Variants in FTCDNL1 observed in about 807,000 individuals in gnomAD.
FTCDNL1 encodes the protein formiminotransferase cyclodeaminase N-terminal like.
Under a neutral mutation model 5.9 loss-of-function variants are expected in FTCDNL1, and 11 were observed. The ratio of observed to expected loss-of-function variants is 1.87; its 90% CI spans 1.18 to 3.10. The LOEUF (loss-of-function observed/expected upper bound fraction) is 3.10, where lower values mean the gene tolerates loss of function less well. FTCDNL1 is among the 30% of genes most tolerant of loss of function. FTCDNL1 has a pLI of 0.00. For missense variants in FTCDNL1, 115 were observed against 65.5 expected, an observed-to-expected ratio of 1.76 and a Z score of -2.61; for synonymous variants, 58 against 24.8, an observed-to-expected ratio of 2.34 and a Z score of -3.99.
the FTCDNL1 span, among the ~76,000 whole-genome samples, chr2:199,720,384 C>T: frequency 1.2e-3 from 186 of 152,270 alleles, 1 homozygote; most frequent in African/African-American, 4.3e-3. Context: ...TAGTGGGTTA[C>T]TATCTGTATT....
At chr2:199,832,832 T>C (rs1702463116) in intron 3 of FTCDNL1, among the ~76,000 whole-genome samples, 1 of 152,064 alleles carries the variant, frequency 6.6e-6, no homozygotes, top group African/African-American at 2.4e-5. Context: ...ACCATCCTGA[T>C]AGGATGACAC....
chr2:199,677,921 T>G, the FTCDNL1 span, among the ~76,000 whole-genome samples: 1 of 152,172 alleles, frequency 6.6e-6, no homozygotes, highest in African/African-American at 2.4e-5. Flanking sequence ...AGGAAAATTA[T>G]TTTCAAAACT....
At chr2:199,841,656 T>C (rs2076592128) in intron 3 of FTCDNL1, among the ~76,000 whole-genome samples, 1 of 152,030 alleles carries the variant, frequency 6.6e-6, no homozygotes, top group African/African-American at 2.4e-5. Flanking sequence ...AATGACAGCA[T>C]GTAAAAAAAA....
intron 3 of FTCDNL1, among the ~76,000 whole-genome samples, chr2:199,782,827 G>A (rs942133205): frequency 6.6e-6 from 1 of 152,158 alleles, no homozygotes; most frequent in African/African-American, 2.4e-5. Flanking sequence ...TCACGATTTT[G>A]CAGGGTCCTT....
chr2:199,799,712 G>T (rs1700348552), intron 3 of FTCDNL1, among the ~76,000 whole-genome samples: 1 of 152,048 alleles, frequency 6.6e-6, no homozygotes, highest in Admixed American at 6.5e-5. Context: ...ACCTGAAATT[G>T]GTACCAGGCA....
chr2:199,721,842 A>G, the FTCDNL1 span, among the ~76,000 whole-genome samples: 1 of 152,108 alleles, frequency 6.6e-6, no homozygotes, highest in African/African-American at 2.4e-5. Flanking sequence ...ATGGTATCTC[A>G]TTGTGGTTTT....
chr2:199,814,614 A>G (rs1330908444), intron 4 of FTCDNL1, among the ~76,000 whole-genome samples: 1 of 152,188 alleles, frequency 6.6e-6, no homozygotes, highest in Admixed American at 6.5e-5. Context: ...CAATAATAGA[A>G]CAGTGCCCTC....
the FTCDNL1 span, among the ~76,000 whole-genome samples, chr2:199,668,760 C>G: frequency 6.6e-6 from 1 of 152,038 alleles, no homozygotes; most frequent in East Asian, 1.9e-4. Flanking sequence ...ACACTGCAGC[C>G]AGACTCAGAT....
the FTCDNL1 span, among the ~76,000 whole-genome samples, chr2:199,752,999 A>C: frequency 6.6e-6 from 1 of 152,104 alleles, no homozygotes; most frequent in East Asian, 1.9e-4. Context: ...GCCACAAGTA[A>C]ATAAGAAGCT....
At chr2:199,846,296 G>A in intron 2 of FTCDNL1, 126 bp from the exon 3 acceptor site, 1 of 572,510 alleles carries the variant, frequency 1.7e-6, no homozygotes, top group South Asian at 2.3e-5. Context: ...TTTTGGAAGT[G>A]ACATTGAATA....
At chr2:199,728,985 A>G in the FTCDNL1 span, among the ~76,000 whole-genome samples, 1 of 152,222 alleles carries the variant, frequency 6.6e-6, no homozygotes, top group African/African-American at 2.4e-5. Flanking sequence ...AGGAAAAAGC[A>G]TGAAGCAGCA....
chr2:199,806,027 CT>C (rs1393939987), downstream of FTCDNL1, among the ~76,000 whole-genome samples: 1 of 152,114 alleles, frequency 6.6e-6, no homozygotes, highest in Non-Finnish European at 1.5e-5. Flanking sequence ...AGGTCTGTAT[CT>C]CACATCTTAA....
At chr2:199,745,766 A>C in the FTCDNL1 span, among the ~76,000 whole-genome samples, 1 of 152,220 alleles carries the variant, frequency 6.6e-6, no homozygotes. Context: ...AAAAGCAACC[A>C]GGGTCGTGAC....
At chr2:199,806,012 T>G (rs982379059), downstream of FTCDNL1, among the ~76,000 whole-genome samples, 1 of 152,010 alleles carries the variant, frequency 6.6e-6, no homozygotes, top group African/African-American at 2.4e-5. Context: ...ATTAGTCCCA[T>G]GTTTAGGTCT....
At chr2:199,727,216 G>A in the FTCDNL1 span, among the ~76,000 whole-genome samples, 1 of 152,194 alleles carries the variant, frequency 6.6e-6, no homozygotes, top group African/African-American at 2.4e-5. Context: ...TGCACTGTAG[G>A]GAATTCCTTC....
chr2:199,762,862 T>A (rs1378763484), intron 3 of FTCDNL1, among the ~76,000 whole-genome samples: 1 of 152,186 alleles, frequency 6.6e-6, no homozygotes, highest in Non-Finnish European at 1.5e-5. Context: ...GGTAATAGCA[T>A]CCTGAAAACT....
At position 199,826,022 on chromosome 2, in the gene FTCDNL1, G is replaced by C. The variant is rs140280740; in HGVS notation, c.212-6265C>G. Among the ~76,000 whole-genome samples the C allele has an allele frequency of 9.7e-4, 148 of 152,316 alleles. 1 individual carries two copies. Among genetic ancestry groups the C allele is most frequent in the Non-Finnish European group, 1.3e-3 (91 of 68,020 alleles). On this transcript the variant is annotated intron_variant, in intron 3 of 4. Coordinates refer to ENST00000420128, the MANE Select transcript of FTCDNL1 (RefSeq NM_001363886.2). Reference sequence around the variant, plus strand: ...TGTAACTCACATTTGGGCTGCTGCAGTAGCCTAAAAGCACAAACTGTGATG... The same window carrying C: ...TGTAACTCACATTTGGGCTGCTGCACTAGCCTAAAAGCACAAACTGTGATG...
downstream of FTCDNL1, among the ~76,000 whole-genome samples, chr2:199,759,541 C>G (rs1217219229): frequency 6.6e-6 from 1 of 152,018 alleles, no homozygotes; most frequent in Non-Finnish European, 1.5e-5. Context: ...ATGATTCTTC[C>G]AAGAGTCTTG....
At chr2:199,726,274 T>C in the FTCDNL1 span, among the ~76,000 whole-genome samples, 1 of 152,200 alleles carries the variant, frequency 6.6e-6, no homozygotes, top group Non-Finnish European at 1.5e-5. Context: ...GTTATTCTGG[T>C]TAACAGCTCA....
Sources: gnomAD v4.1 joint callset for allele counts (sites outside exome capture counted in the v4.1 genomes callset) on GRCh38, gnomAD v4.1.1 for gene constraint, MANE v1.5 for transcripts, NCBI Gene and HGNC (gene_info 2026-07-23, HGNC 2026-07-21) for gene names.